THRSP: variants seen among roughly 807,000 people sequenced by gnomAD.
THRSP encodes thyroid hormone responsive.
A neutral mutation model predicts 11.1 loss-of-function variants in THRSP; 9 were observed. The observed-to-expected ratio is 0.81, with a 90% CI of 0.49 to 1.42. The LOEUF is 1.42. THRSP is among the 40% of genes most tolerant of loss of function. THRSP has a pLI of 0.00. For synonymous variants in THRSP, 73 were observed against 78.1 expected (o/e 0.94, Z 0.34); for missense variants, 177 against 188.2 (o/e 0.94, Z 0.35).
At position 78,064,037 on chromosome 11, in the gene THRSP, G is replaced by A. The variant is rs189313052; in HGVS notation, c.156G>A (p.Glu52=). The change falls in exon 1 of 2, where the codon GAG becomes GAA. Residue 52 remains glutamate, a synonymous_variant. Transcript: ENST00000281030. ...LSGPGGQAQA[E]APDLYTYFTM... ...GGCCTGGGGGCCAGGCCCAGGCTGAGGCCCCTGATCTCTACACCTACTTCA... is the reference window on the plus strand; with the variant it reads ...GGCCTGGGGGCCAGGCCCAGGCTGAAGCCCCTGATCTCTACACCTACTTCA... The A allele has an allele frequency of 1.4e-5, 23 of 1,614,182 alleles. No individual in the cohort carries two copies. The Admixed American group carries it at 3.0e-4, about 21-fold the overall frequency.
In THRSP at chr11:78,064,054, C is replaced by T. The variant is rs772267942; in HGVS notation, c.173C>T (p.Thr58Ile). The stretch of plus-strand genomic sequence containing the variant: ...CAGGCTGAGGCCCCTGATCTCTACA[C>T]CTACTTCACCATGCTCAAGGCCATC... ...QAQAEAPDLY[T>I]YFTMLKAICV... is the part of the protein sequence containing the mutation. Residue 58 changes from threonine (T) to isoleucine (I), a missense_variant, in exon 1 of 2, where the codon ACC (threonine) becomes ATC (isoleucine). By Grantham distance (89) the Thr-to-Ile change is moderately conservative (BLOSUM62 -1). Coordinates refer to ENST00000281030, the MANE Select transcript of THRSP (RefSeq NM_003251.4). 1.9e-6 allele frequency: 3 copies of T among 1,614,144 alleles called. No homozygotes were observed. Among genetic ancestry groups the T allele is most frequent in the East Asian group, 2.2e-5 (1 of 44,870 alleles).
intron 1 of THRSP, among the ~76,000 whole-genome samples, chr11:78,066,862 C>T (rs987965755): frequency 1.4e-4 from 22 of 152,156 alleles, no homozygotes; most frequent in South Asian, 6.2e-4. Context: ...GAGTCTCACC[C>T]TATTGCCAGG....
At chr11:78,064,760 C>A (rs977748233) in intron 1 of THRSP, among the ~76,000 whole-genome samples, 1 of 152,000 alleles carries the variant, frequency 6.6e-6, no homozygotes, top group African/African-American at 2.4e-5. Flanking sequence ...GAGGCCGAGG[C>A]GGGCGGATCA....
chr11:78,065,264 C>T (rs1333907277), intron 1 of THRSP, among the ~76,000 whole-genome samples: 1 of 152,146 alleles, frequency 6.6e-6, no homozygotes, highest in Non-Finnish European at 1.5e-5. Context: ...AGTATGCAGA[C>T]ATGCCTGTTG....
At chr11:78,066,417 G>A (rs1052017120) in intron 1 of THRSP, among the ~76,000 whole-genome samples, 2 of 152,078 alleles carry the variant, frequency 1.3e-5, no homozygotes, top group Non-Finnish European at 2.9e-5. Flanking sequence ...CACCTGCCTC[G>A]GCCTCCCGAA....
In THRSP at chr11:78,068,208, T is replaced by A. The variant is rs989630178; in HGVS notation, c.*569T>A. The A allele has an allele frequency of 6.6e-6, 1 of 152,172 alleles. No individual in the cohort carries two copies. Among genetic ancestry groups the A allele is most frequent in the Non-Finnish European group, 1.5e-5 (1 of 68,034 alleles). The allele number at this position is 152,172 out of a possible 1,614,324, so 9.4% of individuals were successfully genotyped here. On this transcript the variant is annotated 3_prime_UTR_variant, in exon 2 of 2. Transcript: ENST00000281030. ...ATGTATTTGCTCTGGCCCTTGCTTT[T>A]TACCCTCCAGAGCTAAGAGGTAGCA...
chr11:78,066,464 CTA>C (rs558592829), intron 1 of THRSP, among the ~76,000 whole-genome samples: 139 of 152,350 alleles, frequency 9.1e-4, no homozygotes, highest in African/African-American at 3.3e-3. Flanking sequence ...CGCGCCCAGC[CTA>C]TCATTCCCTT....
In THRSP at chr11:78,064,330, A is replaced by G. The variant is rs1240385804; in HGVS notation, c.*8A>G. 6.2e-7 allele frequency: 1 copy of G among 1,600,114 alleles called. No individual in the cohort carries two copies. Among genetic ancestry groups the G allele is most frequent in the Non-Finnish European group, 8.5e-7 (1 of 1,172,510 alleles). The stretch of plus-strand genomic sequence containing the variant: ...ACGGGACAAGTTTGGTAGACCTTGG[A>G]CACTAGGGAAGGTAATGGTGGCCAT... On this transcript the variant is annotated 3_prime_UTR_variant, in exon 1 of 2. Coordinates refer to ENST00000281030, the MANE Select transcript of THRSP (RefSeq NM_003251.4).
intron 1 of THRSP, among the ~76,000 whole-genome samples, chr11:78,065,100 AAATT>A (rs967860615): frequency 6.6e-6 from 1 of 152,156 alleles, no homozygotes; most frequent in African/African-American, 2.4e-5. Context: ...AGAACATGGA[AAATT>A]ATTATATGGC....
Position 78,064,115 on chromosome 11 carries a change from G to A in THRSP, c.234G>A (p.Glu78=), listed in dbSNP as rs1348997943. The A allele has an allele frequency of 1.2e-6, 2 of 1,614,186 alleles. No homozygotes were observed. Among genetic ancestry groups the A allele is most frequent in the East Asian group, 2.2e-5 (1 of 44,874 alleles). ...VDVDHGLLPR[E]EWQAKVAGSE... ...TGGACCATGGGCTGCTGCCGCGGGA[G>A]GAGTGGCAGGCCAAGGTGGCAGGCA... Residue 78 remains glutamate, a synonymous_variant, in exon 1 of 2, where the codon GAG becomes GAA. Transcript: ENST00000281030.
intron 1 of THRSP, among the ~76,000 whole-genome samples, chr11:78,065,861 A>G (rs1246810840): frequency 6.6e-6 from 1 of 152,202 alleles, no homozygotes; most frequent in Non-Finnish European, 1.5e-5. Flanking sequence ...GCATTTTCTC[A>G]GCCATTTTTC....
At chr11:78,066,763 A>G (rs1858754508) in intron 1 of THRSP, among the ~76,000 whole-genome samples, 1 of 152,122 alleles carries the variant, frequency 6.6e-6, no homozygotes, top group Non-Finnish European at 1.5e-5. Flanking sequence ...CAGAGGCAAT[A>G]TGGTATAGCA....
intron 1 of THRSP, 116 bp downstream of exon 1, chr11:78,064,457 T>C (rs1321928493): frequency 2.4e-5 from 22 of 908,700 alleles, no homozygotes; most frequent in Non-Finnish European, 3.5e-5. Context: ...ACAGAGCCAC[T>C]CTTGGGTCAG....
chr11:78,064,673 G>T (rs1271301612), intron 1 of THRSP, among the ~76,000 whole-genome samples: 2 of 150,148 alleles, frequency 1.3e-5, no homozygotes, highest in Admixed American at 6.8e-5. Context: ...TTGAATGAGT[G>T]TGTTCTCATC....
chr11:78,066,805 C>T (rs1858757037), intron 1 of THRSP, among the ~76,000 whole-genome samples: 2 of 152,126 alleles, frequency 1.3e-5, no homozygotes, highest in African/African-American at 4.8e-5. Flanking sequence ...TGTTCTGGCT[C>T]TTCCATTGAC....
rs1332397948 is a variant in THRSP, at chr11:78,067,776, C to G, written c.*137C>G. 6.6e-6 allele frequency: 1 copy of G among 152,286 alleles called. No homozygotes were observed. The highest frequency in any genetic ancestry group is 1.5e-5 in the Non-Finnish European group (1 of 68,090). 9.4% of individuals were successfully genotyped at this position (152,286 alleles called of 1,614,324 possible). A position where few individuals can be genotyped will look rare whatever the true frequency, so the allele number is the denominator to read the frequency against. On this transcript the variant is annotated 3_prime_UTR_variant, in exon 2 of 2. Transcript: ENST00000281030. ...CCAGAAGTGAAGGCGGCTCAGTTCT[C>G]CGGGATGCTTCTCTACCTCCTGAGC...
chr11:78,063,880 C>A lies in THRSP; in HGVS notation c.-2C>A. The stretch of plus-strand genomic sequence containing the variant: ...GGTCTCATTGTGTCAGAGGAAGCAA[C>A]CATGCAGGTGCTAACCAAGCGTTAC... On this transcript the variant is annotated 5_prime_UTR_variant, in exon 1 of 2. Coordinates refer to ENST00000281030, the MANE Select transcript of THRSP (RefSeq NM_003251.4). The A allele has an allele frequency of 6.4e-7, 1 of 1,551,584 alleles. No individual in the cohort carries two copies. The highest frequency in any genetic ancestry group is 8.7e-7 in the Non-Finnish European group (1 of 1,150,134).
chr11:78,065,664 A>T (rs759912395), intron 1 of THRSP, among the ~76,000 whole-genome samples: 4 of 152,204 alleles, frequency 2.6e-5, no homozygotes, highest in Non-Finnish European at 5.9e-5. Context: ...GAAGTGACTC[A>T]CCCAAAGTCA....
At chr11:78,067,355 C>T (rs1858790294) in intron 1 of THRSP, among the ~76,000 whole-genome samples, 1 of 152,252 alleles carries the variant, frequency 6.6e-6, no homozygotes, top group East Asian at 1.9e-4. Flanking sequence ...CTCCTGACCT[C>T]AAATGATCCA....
Sources: gnomAD v4.1 joint callset for allele counts (sites outside exome capture counted in the v4.1 genomes callset) on GRCh38, gnomAD v4.1.1 for gene constraint, MANE v1.5 for transcripts, NCBI Gene and HGNC (gene_info 2026-07-23, HGNC 2026-07-21) for gene names.